The following TERF1 variants were observed in gnomAD, a reference collection of about 807,000 sequenced individuals.
The protein encoded by TERF1 is telomeric repeat-binding factor 1.
TERF1 carries 20 observed loss-of-function variants against 55.1 expected under a neutral mutation model. The observed-to-expected ratio is 0.36, with a 90% CI of 0.26 to 0.53. TERF1 has a LOEUF of 0.53. Ranked by LOEUF, TERF1 falls within the 20% of genes least tolerant of loss-of-function variation. The pLI is 0.91. For missense variants in TERF1, 439 were observed against 535.7 expected (o/e 0.82, Z 1.78); for synonymous variants, 168 against 181.2 (o/e 0.93, Z 0.59).
chr8:73,033,946 CTTCTT>C (rs1336210966), intron 8 of TERF1, among the ~76,000 whole-genome samples: 2 of 151,850 alleles, frequency 1.3e-5, no homozygotes, highest in Non-Finnish European at 2.9e-5. Flanking sequence ...CTTTTTTTCT[CTTCTT>C]TTTCTGTTTT....
In TERF1 at chr8:73,008,923, C is replaced by T; in HGVS notation, c.37C>T (p.Arg13Trp). The change falls in exon 1 of 10, where the codon CGG becomes TGG. Residue 13 changes from arginine to tryptophan, a missense_variant. This residue lies in a region of TERF1 where 179 missense variants were observed against 152.6 expected (regional missense o/e 1.17). Coordinates refer to ENST00000276603, the MANE Select transcript of TERF1 (RefSeq NM_017489.3). ...EDVSSAAPSP[R>W]GCADGRDADP... ...TGTTTCCTCAGCGGCCCCGAGCCCG[C>T]GGGGCTGTGCGGATGGTAGGGATGC... 1 of 1,611,672 alleles carries T rather than the reference C, an allele frequency of 6.2e-7. No individual in the cohort carries two copies. Among genetic ancestry groups the T allele is most frequent in the Non-Finnish European group, 8.5e-7 (1 of 1,179,182 alleles).
At position 73,032,238 on chromosome 8, in the gene TERF1, C is replaced by T. The variant is rs567796858; in HGVS notation, c.1039+105C>T. 3 of 725,678 alleles carry T rather than the reference C, an allele frequency of 4.1e-6. No homozygotes were observed. In the South Asian group the frequency reaches 6.1e-5, roughly 15 times the overall value. 45.0% of individuals were successfully genotyped at this position (725,678 alleles called of 1,614,324 possible). Reference sequence around the variant, plus strand: ...GCAAAAAAACACACACTTCAGAAAACTGAAGCACAAAGTCTTGACTTCATA... The same window carrying T: ...GCAAAAAAACACACACTTCAGAAAATTGAAGCACAAAGTCTTGACTTCATA... On this transcript the variant is annotated intron_variant, in intron 8 of 9. Coordinates refer to ENST00000276603, the MANE Select transcript of TERF1 (RefSeq NM_017489.3).
At chr8:73,022,091 AATT>A (rs1808785528) in intron 3 of TERF1, 122 bp from the exon 4 acceptor site, 2 of 550,470 alleles carry the variant, frequency 3.6e-6, no homozygotes, top group African/African-American at 4.1e-5. Context: ...ATCAAATTAA[AATT>A]ATTAAGCTAC....
intron 1 of TERF1, 83 bp from the exon 2 acceptor site, chr8:73,013,812 G>T (rs1808376590): frequency 1.4e-6 from 1 of 736,622 alleles, no homozygotes; most frequent in Non-Finnish European, 2.3e-6. Flanking sequence ...CAATATGTTT[G>T]TAGCCTATTA....
chr8:73,009,244 G>A (rs1483254865), intron 1 of TERF1, 39 bp downstream of exon 1: 2 of 1,573,652 alleles, frequency 1.3e-6, no homozygotes, highest in Non-Finnish European at 1.7e-6. Context: ...CTACGCGGGG[G>A]GCGGATGCGG....
intron 9 of TERF1, among the ~76,000 whole-genome samples, chr8:73,044,495 T>C (rs900966911): frequency 6.6e-6 from 1 of 152,196 alleles, no homozygotes; most frequent in Non-Finnish European, 1.5e-5. Flanking sequence ...CTTTCTAATA[T>C]TGCATTAGAC....
Position 73,017,738 on chromosome 8 carries a change from C to T in TERF1, c.416-2946C>T, listed in dbSNP as rs181994044. Among the ~76,000 whole-genome samples the T allele has an allele frequency of 3.4e-5, 5 of 148,982 alleles. No individual in the cohort carries two copies. The East Asian group carries it at 7.9e-4, about 23-fold the overall frequency. On this transcript the variant is annotated intron_variant, in intron 2 of 9. Coordinates refer to ENST00000276603, the MANE Select transcript of TERF1 (RefSeq NM_017489.3). ...TTTTTTTTTGAGACAGAGTCTCACT[C>T]TGTCACCAGGCTGGAGTACAGTGAC...
chr8:73,031,088 C>T (rs1224782579), intron 7 of TERF1: 1 of 152,212 alleles, frequency 6.6e-6, no homozygotes, highest in Non-Finnish European at 1.5e-5. Context: ...GAAGGTGATA[C>T]ATCTCAGTGG....
At chr8:73,041,188 C>T (rs1294102985) in intron 9 of TERF1, among the ~76,000 whole-genome samples, 1 of 152,102 alleles carries the variant, frequency 6.6e-6, no homozygotes, top group Non-Finnish European at 1.5e-5. Context: ...CATGATATAT[C>T]AGGTAAAAGG....
At chr8:73,034,206 A>C (rs1360207273) in intron 8 of TERF1, among the ~76,000 whole-genome samples, 1 of 152,152 alleles carries the variant, frequency 6.6e-6, no homozygotes, top group African/African-American at 2.4e-5. Flanking sequence ...ATCTCGGCTC[A>C]CTGCAACCTC....
At chr8:73,017,773 G>T (rs1028177071) in intron 2 of TERF1, among the ~76,000 whole-genome samples, 1 of 151,444 alleles carries the variant, frequency 6.6e-6, no homozygotes, top group Non-Finnish European at 1.5e-5. Context: ...CGCCATCTTG[G>T]CTCACTGCAA....
chr8:73,047,147 A>C lies in TERF1; in HGVS notation c.*1010A>C, dbSNP rs1332459473. Reference sequence around the variant, plus strand: ...ACATCACACAGTATACTCAGCTAACAAACCTGCCCATGTGTTTCCTGAATC... The same window carrying C: ...ACATCACACAGTATACTCAGCTAACCAACCTGCCCATGTGTTTCCTGAATC... On this transcript the variant is annotated 3_prime_UTR_variant, in exon 10 of 10. Coordinates refer to ENST00000276603, the MANE Select transcript of TERF1 (RefSeq NM_017489.3). The C allele has an allele frequency of 6.6e-6, 1 of 152,156 alleles. No homozygotes were observed. The highest frequency in any genetic ancestry group is 1.9e-4 in the East Asian group (1 of 5,190). 9.4% of individuals were successfully genotyped at this position (152,156 alleles called of 1,614,324 possible).
intron 8 of TERF1, among the ~76,000 whole-genome samples, chr8:73,034,807 A>G (rs1411671927): frequency 6.6e-6 from 1 of 151,480 alleles, no homozygotes; most frequent in Admixed American, 6.6e-5. Flanking sequence ...TCTCCATTAT[A>G]CAGATGAGGA....
chr8:73,029,376 G>C (rs1268836236), intron 6 of TERF1, among the ~76,000 whole-genome samples: 4 of 152,098 alleles, frequency 2.6e-5, no homozygotes, highest in African/African-American at 9.7e-5. Flanking sequence ...TGTAATCCCA[G>C]CACTTTGAAA....
chr8:73,010,897 CTT>C (rs1321789553), intron 1 of TERF1: 2 of 152,122 alleles, frequency 1.3e-5, no homozygotes, highest in Non-Finnish European at 2.9e-5. Context: ...CCTCAGAGCT[CTT>C]GAGTGGTTAG....
intron 6 of TERF1, among the ~76,000 whole-genome samples, chr8:73,028,543 C>T (rs369782609): frequency 5.8e-4 from 86 of 148,642 alleles, no homozygotes; most frequent in African/African-American, 2.1e-3. Context: ...AATTTATTGG[C>T]ATGGCTTATA....
chr8:73,013,573 A>G (rs1808364933), intron 1 of TERF1: 1 of 207,274 alleles, frequency 4.8e-6, no homozygotes, highest in Non-Finnish European at 9.6e-6. Flanking sequence ...CTATTATATG[A>G]AATGTTTCTA....
chr8:73,013,390 G>A (rs1430665864), intron 1 of TERF1, among the ~76,000 whole-genome samples: 1 of 152,094 alleles, frequency 6.6e-6, no homozygotes, highest in Non-Finnish European at 1.5e-5. Context: ...ATGGTAAAAA[G>A]CTCACTGTGG....
chr8:73,045,020 C>T (rs773069617), intron 9 of TERF1, among the ~76,000 whole-genome samples: 11 of 152,112 alleles, frequency 7.2e-5, no homozygotes, highest in Non-Finnish European at 1.0e-4. Context: ...TCCCTGCTCT[C>T]GACTCTTTTA....
Sources: allele counts gnomAD v4.1 joint callset (sites outside exome capture counted in the v4.1 genomes callset), GRCh38; gene constraint gnomAD v4.1.1; regional missense constraint gnomAD v4.1.1; transcripts MANE v1.5; gene names NCBI Gene and HGNC (gene_info 2026-07-23, HGNC 2026-07-21).